Variants in ARMC2 observed in about 807,000 individuals in gnomAD.
The protein encoded by ARMC2 is armadillo repeat containing 2, also known as armadillo repeat-containing protein 2.
In ARMC2, 67 loss-of-function variants were observed where a neutral mutation model predicts 90.3. The ratio of observed to expected loss-of-function variants is 0.74; its 90% confidence interval spans 0.61 to 0.91. The LOEUF (loss-of-function observed/expected upper bound fraction) is 0.91. Among genes scored for constraint, ARMC2 ranks in the 40% least tolerant of loss-of-function variants. The pLI, the probability that ARMC2 is intolerant of heterozygous loss-of-function variation, is 0.00. For synonymous variants in ARMC2, 393 were observed against 393.0 expected (o/e 1.00, Z 0.00); for missense variants, 920 against 1,030.9 (o/e 0.89, Z 1.47).
chr6:108,870,493 A>G (rs565739732), intron 4 of ARMC2, among the ~76,000 whole-genome samples: 6 of 151,626 alleles, frequency 4.0e-5, no homozygotes, highest in Admixed American at 2.6e-4. Flanking sequence ...GAGAAAAAGA[A>G]AGAAAGAGAG....
intron 17 of ARMC2, among the ~76,000 whole-genome samples, chr6:108,965,891 G>T (rs369263706): frequency 9.9e-5 from 15 of 151,180 alleles, no homozygotes; most frequent in African/African-American, 3.4e-4. Context: ...GGGCTCAAGC[G>T]ATCCTCCCAC....
chr6:108,894,503 C>A lies in ARMC2; in HGVS notation c.708C>A (p.Cys236Ter). 1 of 1,611,606 alleles carries A rather than the reference C, an allele frequency of 6.2e-7. No homozygotes were observed. The highest frequency in any genetic ancestry group is 8.5e-7 in the Non-Finnish European group (1 of 1,178,874). The change falls in exon 6 of 18, where the codon TGC becomes TGA. Residue 236 changes from cysteine to a stop codon, truncating the protein, a stop_gained. Transcript: ENST00000392644. LOFTEE classifies it high-confidence loss of function. ...QGKRHARASSCPSSSDLSRLQ... is the reference protein window; with the variant it reads ...QGKRHARASS ...AGAGACATGCGAGGGCCTCATCATGCCCCAGTAGCTCAGACCTGAGCAGGC... is the reference window on the plus strand; with the variant it reads ...AGAGACATGCGAGGGCCTCATCATGACCCAGTAGCTCAGACCTGAGCAGGC...
At chr6:108,955,543 C>T (rs1273762470) in intron 13 of ARMC2, among the ~76,000 whole-genome samples, 1 of 152,170 alleles carries the variant, frequency 6.6e-6, no homozygotes, top group Non-Finnish European at 1.5e-5. Flanking sequence ...AGTCACCGGG[C>T]CCCTGACCTG....
chr6:108,895,017 C>T (rs994570758), intron 6 of ARMC2, among the ~76,000 whole-genome samples: 4 of 150,924 alleles, frequency 2.7e-5, no homozygotes, highest in South Asian at 4.2e-4. Context: ...CCGCCTGCCT[C>T]AGCCTTCCAA....
chr6:108,968,264 A>G (rs1056551377), intron 17 of ARMC2, among the ~76,000 whole-genome samples: 6 of 152,186 alleles, frequency 3.9e-5, no homozygotes, highest in Admixed American at 1.3e-4. Flanking sequence ...AGGTTTTAGG[A>G]CAGTTAAGTG....
the ARMC2 span, among the ~76,000 whole-genome samples, chr6:109,048,447 T>C: frequency 1.3e-5 from 2 of 152,224 alleles, no homozygotes; most frequent in African/African-American, 2.4e-5. Flanking sequence ...AGTGACTGCA[T>C]AGGAAATACC....
At chr6:108,959,773 C>T (rs1777857620) in intron 13 of ARMC2, among the ~76,000 whole-genome samples, 1 of 152,014 alleles carries the variant, frequency 6.6e-6, no homozygotes. Context: ...GCAACCTCTG[C>T]CTCCCGGGTT....
the ARMC2 span, chr6:109,002,490 C>G: frequency 1.6e-6 from 1 of 613,152 alleles, no homozygotes; most frequent in Non-Finnish European, 2.9e-6. Context: ...CATACCAACT[C>G]TTCTGTTAGC....
chr6:108,976,800 G>A (rs1778991465), downstream of ARMC2, among the ~76,000 whole-genome samples: 1 of 152,138 alleles, frequency 6.6e-6, no homozygotes, highest in Admixed American at 6.5e-5. Flanking sequence ...TTGGCTCTCT[G>A]TTTGTCTGCT....
At chr6:108,879,509 C>T (rs914816075) in intron 5 of ARMC2, among the ~76,000 whole-genome samples, 4 of 151,396 alleles carry the variant, frequency 2.6e-5, no homozygotes, top group African/African-American at 9.7e-5. Flanking sequence ...AACCTATCCA[C>T]CCACCCATCT....
chr6:108,903,599 T>C (rs1358243127), intron 7 of ARMC2, among the ~76,000 whole-genome samples: 2 of 152,228 alleles, frequency 1.3e-5, no homozygotes, highest in Non-Finnish European at 2.9e-5. Flanking sequence ...ATATTCTCAC[T>C]GTACCATGTG....
At chr6:109,026,630 G>A in the ARMC2 span, among the ~76,000 whole-genome samples, 1 of 151,672 alleles carries the variant, frequency 6.6e-6, no homozygotes, top group African/African-American at 2.4e-5. Context: ...TCAGCCTCCC[G>A]AGTAGCTAGG....
In ARMC2 at chr6:108,961,997, C is replaced by A; in HGVS notation, c.2039-17C>A. 1 of 1,544,948 alleles carries A rather than the reference C, an allele frequency of 6.5e-7. No individual in the cohort carries two copies. The highest frequency in any genetic ancestry group is 8.8e-7 in the Non-Finnish European group (1 of 1,131,434). ...ACTTAAATTCACTGATTTAATTTCT[C>A]TGGTCGCCAAATCCAGTGCTCTTAA... On this transcript the variant is annotated splice_polypyrimidine_tract_variant and intron_variant, in intron 14 of 17. Transcript: ENST00000392644.
rs150985677 is a variant in ARMC2 at position 108,937,302 on chromosome 6, G to T, written c.1596+303G>T. 3.6e-3 allele frequency among the ~76,000 whole-genome samples: 554 copies of T among 152,228 alleles called. 8 individuals carry two copies. Among genetic ancestry groups the T allele is most frequent in the African/African-American group, 0.013 (524 of 41,542 alleles). ...ACCTACCTGGGAGTCACCTTGGGGT[G>T]GGGGAGGGGGTATAACCCCACCCCA... On this transcript the variant is annotated intron_variant, in intron 12 of 17. Coordinates refer to ENST00000392644, the MANE Select transcript of ARMC2 (RefSeq NM_032131.6).
the ARMC2 span, among the ~76,000 whole-genome samples, chr6:109,006,695 T>G: frequency 1.2e-4 from 18 of 152,186 alleles, no homozygotes; most frequent in African/African-American, 4.3e-4. Flanking sequence ...GTAGTAGTCT[T>G]GGTTTATAAA....
chr6:108,874,733 C>T (rs1339643945), intron 4 of ARMC2, among the ~76,000 whole-genome samples: 1 of 152,044 alleles, frequency 6.6e-6, no homozygotes, highest in Non-Finnish European at 1.5e-5. Flanking sequence ...CACTCGAACC[C>T]AAGTCTGAGC....
intron 11 of ARMC2, among the ~76,000 whole-genome samples, chr6:108,936,041 A>G (rs1398252567): frequency 6.6e-6 from 1 of 152,162 alleles, no homozygotes; most frequent in African/African-American, 2.4e-5. Flanking sequence ...GAAGAAATAT[A>G]TGAACATCTC....
chr6:108,862,990 A>G (rs1000671311), intron 3 of ARMC2, among the ~76,000 whole-genome samples: 2 of 152,106 alleles, frequency 1.3e-5, no homozygotes, highest in Non-Finnish European at 1.5e-5. Context: ...CCAGCGGGCA[A>G]TGGGCTGCCC....
At chr6:109,033,902 C>G in the ARMC2 span, among the ~76,000 whole-genome samples, 1 of 152,150 alleles carries the variant, frequency 6.6e-6, no homozygotes. Flanking sequence ...CTTAAGCATT[C>G]GTAAAGAAGC....
Sources: gnomAD v4.1 joint callset for allele counts (sites outside exome capture counted in the v4.1 genomes callset) on GRCh38, gnomAD v4.1.1 for gene constraint, MANE v1.5 for transcripts, NCBI Gene and HGNC (gene_info 2026-07-23, HGNC 2026-07-21) for gene names.